The following CHLSN variants were observed in gnomAD, a reference collection of about 807,000 sequenced individuals.
CHLSN encodes the protein protein cholesin.
At chr7:1,087,739 G>A in the CHLSN span, among the ~76,000 whole-genome samples, 4 of 152,320 alleles carry the variant, frequency 2.6e-5, no homozygotes, top group Admixed American at 2.0e-4. Context: ...ATTCTTTATG[G>A]ATCATGCACA....
At chr7:1,070,928 GAC>G in the CHLSN span, among the ~76,000 whole-genome samples, 6 of 100,890 alleles carry the variant, frequency 5.9e-5, no homozygotes, top group Admixed American at 9.5e-5. Flanking sequence ...AGCACGCACA[GAC>G]ACGCACACAT....
chr7:1,009,764 G>A, the CHLSN span, among the ~76,000 whole-genome samples: 1 of 152,240 alleles, frequency 6.6e-6, no homozygotes, highest in Non-Finnish European at 1.5e-5. Flanking sequence ...GCCCCTGAAA[G>A]TTCCTGAAGG....
At chr7:990,527 C>T in the CHLSN span, among the ~76,000 whole-genome samples, 4 of 151,922 alleles carry the variant, frequency 2.6e-5, no homozygotes, top group African/African-American at 9.7e-5. Flanking sequence ...CGTGAAGCGG[C>T]GCCCCAAGGC....
the CHLSN span, among the ~76,000 whole-genome samples, chr7:984,738 C>T: frequency 1.3e-5 from 2 of 152,212 alleles, no homozygotes; most frequent in Admixed American, 6.5e-5. Context: ...GGTGTCCACA[C>T]AGCAGGTCAG....
the CHLSN span, chr7:1,028,460 G>A: frequency 2.0e-6 from 2 of 985,514 alleles, no homozygotes; most frequent in African/African-American, 1.7e-5. Context: ...CCTCGGCGCG[G>A]GGGTGGGAGA....
the CHLSN span, among the ~76,000 whole-genome samples, chr7:1,017,244 C>T: frequency 2.6e-4 from 40 of 151,530 alleles, no homozygotes; most frequent in South Asian, 7.7e-3. Flanking sequence ...CCCACTGTCT[C>T]TCAGAGGGAA....
At chr7:1,018,085 C>T in the CHLSN span, among the ~76,000 whole-genome samples, 28 of 152,188 alleles carry the variant, frequency 1.8e-4, no homozygotes, top group African/African-American at 6.3e-4. Context: ...CACACGAGCA[C>T]GCATACACAC....
chr7:1,070,621 C>T, the CHLSN span, among the ~76,000 whole-genome samples: 16,601 of 145,602 alleles, frequency 0.11, 1,086 homozygotes, highest in Middle Eastern at 0.24. Flanking sequence ...CATGCACACA[C>T]GCACACAACA....
At chr7:1,070,812 CAT>C in the CHLSN span, among the ~76,000 whole-genome samples, 2 of 106,476 alleles carry the variant, frequency 1.9e-5, no homozygotes, top group Non-Finnish European at 1.9e-5. Context: ...CATGCACACA[CAT>C]CCACACGTGC....
chr7:987,735 C>T, the CHLSN span, among the ~76,000 whole-genome samples: 1 of 152,204 alleles, frequency 6.6e-6, no homozygotes, highest in African/African-American at 2.4e-5. Context: ...GGCCAGCAGA[C>T]CTGGCGCCTC....
the CHLSN span, among the ~76,000 whole-genome samples, chr7:992,193 C>T: frequency 7.2e-5 from 11 of 152,220 alleles, no homozygotes; most frequent in South Asian, 2.1e-4. Flanking sequence ...CCTGTACCCC[C>T]CCGCCTCTAG....
chr7:1,065,205 A>G, the CHLSN span, among the ~76,000 whole-genome samples: 2 of 152,098 alleles, frequency 1.3e-5, no homozygotes. Context: ...ACTGGCATAC[A>G]CTAAGTGTGC....
chr7:997,671 G>A, the CHLSN span: 101 of 1,610,236 alleles, frequency 6.3e-5, no homozygotes, highest in East Asian at 8.9e-5. Context: ...GGCCCTCCCC[G>A]GCAGGGGGGG....
At chr7:1,015,046 C>T in the CHLSN span, among the ~76,000 whole-genome samples, 20 of 152,358 alleles carry the variant, frequency 1.3e-4, no homozygotes, top group East Asian at 3.9e-4. Flanking sequence ...GGGCCTGACA[C>T]GGCTGCTGTG....
the CHLSN span, among the ~76,000 whole-genome samples, chr7:1,051,623 G>C: frequency 6.6e-6 from 1 of 152,246 alleles, no homozygotes; most frequent in Admixed American, 6.5e-5. Context: ...GCCGCCACTG[G>C]ATTGGGAAGG....
the CHLSN span, among the ~76,000 whole-genome samples, chr7:1,036,548 C>A: frequency 6.6e-6 from 1 of 151,582 alleles, no homozygotes; most frequent in Admixed American, 6.6e-5. Flanking sequence ...GTTGTAAATG[C>A]ACTATTCAGG....
At chr7:1,092,335 G>A in the CHLSN span, 2 of 1,611,402 alleles carry the variant, frequency 1.2e-6, no homozygotes, top group Non-Finnish European at 1.7e-6. Context: ...GCACACCGAC[G>A]AGGCCTGCTT....
chr7:1,000,615 C>T, the CHLSN span: 1 of 1,381,402 alleles, frequency 7.2e-7, no homozygotes, highest in Non-Finnish European at 1.0e-6. Flanking sequence ...GCTGTCTGCC[C>T]TGAGAGATCG....
chr7:997,832 AGGGGC>A, the CHLSN span: 1 of 1,406,694 alleles, frequency 7.1e-7, no homozygotes, highest in Non-Finnish European at 1.0e-6. Context: ...CGAGTTGGTC[AGGGGC>A]GGGGCAGGGA....
Sources: allele counts gnomAD v4.1 joint callset (sites outside exome capture counted in the v4.1 genomes callset), GRCh38; gene constraint gnomAD v4.1.1; transcripts MANE v1.5; gene names NCBI Gene and HGNC (gene_info 2026-07-23, HGNC 2026-07-21).